GRID1: variants seen among roughly 807,000 people sequenced by gnomAD.
The protein encoded by GRID1 is glutamate receptor ionotropic, delta-1.
A neutral mutation model predicts 98.0 loss-of-function variants in GRID1; 28 were observed. The ratio of observed to expected loss-of-function variants is 0.29; its 90% CI spans 0.21 to 0.39. The LOEUF (loss-of-function observed/expected upper bound fraction) is 0.39. Ranked by LOEUF, GRID1 falls within the 10% of genes least tolerant of loss-of-function variation. The pLI is 1.00. For missense variants in GRID1, 1,111 were observed against 1,340.5 expected (o/e 0.83, Z 2.67); for synonymous variants, 553 against 538.5 (o/e 1.03, Z -0.37).
intron 3 of GRID1, among the ~76,000 whole-genome samples, chr10:86,204,880 A>C (rs1013151607): frequency 6.6e-6 from 1 of 151,716 alleles, no homozygotes; most frequent in Non-Finnish European, 1.5e-5. Context: ...GGGTTGAGCC[A>C]CCAGCCCCAA....
intron 2 of GRID1, among the ~76,000 whole-genome samples, chr10:86,249,880 A>G (rs557383501): frequency 6.6e-6 from 1 of 152,272 alleles, no homozygotes; most frequent in South Asian, 2.1e-4. Context: ...TGATAAATGG[A>G]TGGATGGTGG....
chr10:86,218,984 G>A (rs1846213864), intron 2 of GRID1, among the ~76,000 whole-genome samples: 2 of 152,232 alleles, frequency 1.3e-5, no homozygotes, highest in Admixed American at 1.3e-4. Flanking sequence ...CACAGCCCGA[G>A]ACAGCTGTGC....
At chr10:86,048,637 G>T (rs1843458371) in intron 4 of GRID1, among the ~76,000 whole-genome samples, 1 of 152,216 alleles carries the variant, frequency 6.6e-6, no homozygotes. Flanking sequence ...TCTCCCCTCT[G>T]GAGCCAGGGT....
intron 5 of GRID1, among the ~76,000 whole-genome samples, chr10:85,899,809 A>T (rs1249509737): frequency 6.6e-6 from 1 of 152,194 alleles, no homozygotes; most frequent in Non-Finnish European, 1.5e-5. Flanking sequence ...GAGGAGTATC[A>T]GGCGTGAAAG....
At chr10:85,913,221 G>T (rs1281647803) in intron 5 of GRID1, among the ~76,000 whole-genome samples, 1 of 152,194 alleles carries the variant, frequency 6.6e-6, no homozygotes, top group Non-Finnish European at 1.5e-5. Flanking sequence ...TGACTTCACT[G>T]AATCAGATAC....
intron 3 of GRID1, among the ~76,000 whole-genome samples, chr10:86,198,060 G>T (rs975433003): frequency 1.3e-5 from 2 of 152,020 alleles, no homozygotes; most frequent in African/African-American, 2.4e-5. Flanking sequence ...GCTTTGCCAG[G>T]GGCCGCAAAG....
chr10:85,905,755 G>C (rs907191899), intron 5 of GRID1, among the ~76,000 whole-genome samples: 3 of 151,916 alleles, frequency 2.0e-5, no homozygotes, highest in African/African-American at 7.2e-5. Flanking sequence ...TTTTTTAAAA[G>C]AGTTATAGCT....
At chr10:86,225,673 G>T (rs1846330006) in intron 2 of GRID1, among the ~76,000 whole-genome samples, 1 of 152,112 alleles carries the variant, frequency 6.6e-6, no homozygotes, top group Admixed American at 6.5e-5. Flanking sequence ...TCAAGTTGTT[G>T]GGGAGAGGAG....
chr10:85,790,431 C>T (rs1301635193), intron 8 of GRID1, among the ~76,000 whole-genome samples: 1 of 152,224 alleles, frequency 6.6e-6, no homozygotes, highest in Non-Finnish European at 1.5e-5. Flanking sequence ...AAGAAACAAA[C>T]AAGGTCTGCA....
chr10:85,903,012 C>G (rs1175786811), intron 5 of GRID1, among the ~76,000 whole-genome samples: 2 of 152,142 alleles, frequency 1.3e-5, no homozygotes, highest in Non-Finnish European at 2.9e-5. Context: ...GTTTGGGCCT[C>G]TTCGCATTTT....
At chr10:86,217,350 T>C (rs1846190109) in intron 2 of GRID1, among the ~76,000 whole-genome samples, 1 of 152,218 alleles carries the variant, frequency 6.6e-6, no homozygotes, top group Non-Finnish European at 1.5e-5. Flanking sequence ...AGGGCTGACA[T>C]GAGAATTAAA....
chr10:85,904,667 C>T (rs922606062), intron 5 of GRID1, among the ~76,000 whole-genome samples: 5 of 149,970 alleles, frequency 3.3e-5, no homozygotes, highest in South Asian at 2.1e-4. Context: ...GAAGATTTAA[C>T]GAAAAAACTC....
intron 12 of GRID1, among the ~76,000 whole-genome samples, chr10:85,709,440 A>G (rs1202328537): frequency 2.6e-5 from 4 of 152,260 alleles, no homozygotes; most frequent in East Asian, 3.8e-4. Flanking sequence ...CTTTGGCCCA[A>G]TTACAAGACT....
intron 8 of GRID1, among the ~76,000 whole-genome samples, chr10:85,749,040 CTCCCAAA>C (rs1389283220): frequency 2.0e-5 from 3 of 152,208 alleles, no homozygotes; most frequent in Non-Finnish European, 4.4e-5. Flanking sequence ...CTATTACTAC[CTCCCAAA>C]TCCCAGCCAC....
intron 4 of GRID1, among the ~76,000 whole-genome samples, chr10:86,041,744 T>C (rs1843348210): frequency 6.6e-6 from 1 of 152,198 alleles, no homozygotes; most frequent in Non-Finnish European, 1.5e-5. Context: ...TAACATCAAG[T>C]CTGTGACCCA....
intron 4 of GRID1, among the ~76,000 whole-genome samples, chr10:85,948,000 C>T (rs563880613): frequency 6.6e-6 from 1 of 152,174 alleles, no homozygotes; most frequent in African/African-American, 2.4e-5. Context: ...TTAAAGCCTA[C>T]CATAGGAGAA....
chr10:86,334,864 T>C (rs938313328), intron 2 of GRID1, among the ~76,000 whole-genome samples: 4 of 152,184 alleles, frequency 2.6e-5, no homozygotes, highest in African/African-American at 9.6e-5. Context: ...GCCTGTTAAA[T>C]CCACTGCCAT....
intron 4 of GRID1, among the ~76,000 whole-genome samples, chr10:86,058,314 CGGCCCCAGGTTCCA>C (rs1193197434): frequency 6.6e-6 from 1 of 152,096 alleles, no homozygotes; most frequent in African/African-American, 2.4e-5. Flanking sequence ...TGGATGGTTC[CGGCCCCAGGTTCCA>C]GGCATGCTGA....
intron 4 of GRID1, among the ~76,000 whole-genome samples, chr10:86,031,460 T>C (rs1156709568): frequency 2.6e-5 from 4 of 152,172 alleles, no homozygotes; most frequent in Non-Finnish European, 5.9e-5. Context: ...TGGGGTACTA[T>C]GTTCACTACT....
Sources: allele counts gnomAD v4.1 joint callset (sites outside exome capture counted in the v4.1 genomes callset), GRCh38; gene constraint gnomAD v4.1.1; transcripts MANE v1.5; gene names NCBI Gene and HGNC (gene_info 2026-07-23, HGNC 2026-07-21).